CCDC158: variants seen among roughly 807,000 people sequenced by gnomAD.
CCDC158 encodes the protein coiled-coil domain containing 158, also known as coiled-coil domain-containing protein 158.
Under a neutral mutation model 138.6 loss-of-function variants are expected in CCDC158, and 116 were observed. The observed-to-expected ratio is 0.84, with a 90% CI of 0.72 to 0.98. CCDC158 has a LOEUF of 0.98. Ranked by LOEUF, CCDC158 falls within the 50% of genes least tolerant of loss-of-function variation. The probability of loss-of-function intolerance (pLI) is 0.00; values close to 1 mark genes in which losing one functional copy is unlikely to be tolerated. For missense variants in CCDC158, 1,265 were observed against 1,306.1 expected (o/e 0.97, Z 0.48); for synonymous variants, 436 against 442.4 (o/e 0.99, Z 0.18).
intron 8 of CCDC158, 34 bp from the exon 9 acceptor site, chr4:76,379,438 T>C (rs909273467): frequency 3.0e-6 from 4 of 1,332,176 alleles, no homozygotes; most frequent in African/African-American, 1.5e-5. Flanking sequence ...TAAGTGCAAA[T>C]AGCAAACTAA....
At chr4:76,344,674 A>T (rs529948661) in intron 18 of CCDC158, 1 of 1,613,388 alleles carries the variant, frequency 6.2e-7, no homozygotes, top group Non-Finnish European at 8.5e-7. Flanking sequence ...CCCATGTTTC[A>T]GAGCCCAGAG....
intron 3 of CCDC158, among the ~76,000 whole-genome samples, chr4:76,402,725 G>A (rs1579090505): frequency 6.6e-6 from 1 of 152,304 alleles, no homozygotes; most frequent in East Asian, 1.9e-4. Context: ...GAAATGGAGA[G>A]GGAAAAAATG....
intron 18 of CCDC158, among the ~76,000 whole-genome samples, chr4:76,347,149 C>T (rs1184847663): frequency 1.3e-5 from 2 of 152,198 alleles, no homozygotes; most frequent in Non-Finnish European, 2.9e-5. Flanking sequence ...ACCAGAAACA[C>T]CATTTGACCT....
chr4:76,371,586 T>C (rs1162288283), intron 9 of CCDC158, 50 bp from the exon 10 acceptor site: 2 of 1,586,976 alleles, frequency 1.3e-6, no homozygotes, highest in Non-Finnish European at 1.7e-6. Flanking sequence ...CAGTGGGTAA[T>C]ATAAAATAAA....
chr4:76,367,016 G>A (rs1724737929), intron 12 of CCDC158, among the ~76,000 whole-genome samples: 1 of 152,106 alleles, frequency 6.6e-6, no homozygotes, highest in Non-Finnish European at 1.5e-5. Flanking sequence ...TGAAGAGGGA[G>A]AAAATACTTT....
chr4:76,387,488 A>T (rs1726910857), intron 4 of CCDC158, among the ~76,000 whole-genome samples: 1 of 151,866 alleles, frequency 6.6e-6, no homozygotes, highest in African/African-American at 2.4e-5. Context: ...GGAGTTCGAG[A>T]CCAGCCTGAC....
intron 3 of CCDC158, among the ~76,000 whole-genome samples, chr4:76,402,849 A>G (rs1728519352): frequency 6.6e-6 from 1 of 152,206 alleles, no homozygotes; most frequent in Non-Finnish European, 1.5e-5. Context: ...AGGGCAGACC[A>G]AGGAAGGCAG....
chr4:76,394,982 T>C (rs1225986119), intron 4 of CCDC158, among the ~76,000 whole-genome samples: 1 of 151,926 alleles, frequency 6.6e-6, no homozygotes, highest in Non-Finnish European at 1.5e-5. Context: ...CTAATAAGGA[T>C]ATGTAAAGGC....
Position 76,334,053 on chromosome 4 carries a change from C to T in CCDC158, c.2779G>A (p.Glu927Lys), listed in dbSNP as rs765722805. Reference protein sequence around the residue: ...EEPAVSLSKTEEDGRTSLGAL... With the variant: ...EEPAVSLSKTKEDGRTSLGAL... ...CCCAGAGATGTTCTTCCATCTTCCT[C>T]TGTCTTGCTCAGAGACACAGCTGGC... Residue 927 changes from glutamate to lysine, a missense_variant, in exon 19 of 25, where the codon GAG becomes AAG. Glu to Lys is a moderately conservative substitution (Grantham distance 56). Transcript: ENST00000682701. 9 of 1,613,396 alleles carry T rather than the reference C, an allele frequency of 5.6e-6. No individual in the cohort carries two copies. In the East Asian group the frequency reaches 2.0e-4, roughly 36 times the overall value.
chr4:76,336,898 T>C (rs1437097643), intron 18 of CCDC158, among the ~76,000 whole-genome samples: 1 of 152,222 alleles, frequency 6.6e-6, no homozygotes, highest in Middle Eastern at 3.2e-3. Flanking sequence ...AGAATCCTTA[T>C]GTCTTTTCCA....
At position 76,382,477 on chromosome 4, in the gene CCDC158, T is replaced by C. The variant is rs993031177; in HGVS notation, c.914+133A>G. 2.9e-5 allele frequency: 18 copies of C among 617,926 alleles called. No homozygotes were observed. The African/African-American group carries it at 3.0e-4, about 10-fold the overall frequency. The allele number at this position is 617,926 out of a possible 1,614,324, so 38.3% of individuals were successfully genotyped here. On this transcript the variant is annotated intron_variant, in intron 8 of 24. Coordinates refer to ENST00000682701, the MANE Select transcript of CCDC158 (RefSeq NM_001394954.1). Reference sequence around the variant, plus strand: ...TGTTACATAATACTTCCTGTTCATTTAAATGTTAGAAAAATGTTTCACTTT... The same window carrying C: ...TGTTACATAATACTTCCTGTTCATTCAAATGTTAGAAAAATGTTTCACTTT...
intron 22 of CCDC158, 50 bp downstream of exon 22, chr4:76,328,850 A>G (rs1720760484): frequency 6.8e-7 from 1 of 1,474,992 alleles, no homozygotes; most frequent in Non-Finnish European, 9.5e-7. Context: ...CCCTCGTGGA[A>G]ATGGGGAGAC....
Position 76,381,343 on chromosome 4 carries a change from C to T in CCDC158, c.914+1267G>A, listed in dbSNP as rs146219768. Among the ~76,000 whole-genome samples, 19 of 152,374 alleles carry T rather than the reference C, an allele frequency of 1.2e-4. 1 individual carries two copies. In the East Asian group the frequency reaches 1.7e-3, roughly 14 times the overall value. ...GAGCAACAAGGGCAGAGCTGCCCAA[C>T]GCCTTGGGAGCCCTGCCTTGCATCA... On this transcript the variant is annotated intron_variant, in intron 8 of 24. Coordinates refer to ENST00000682701, the MANE Select transcript of CCDC158 (RefSeq NM_001394954.1).
rs779310312 is a variant in CCDC158 at position 76,355,316 on chromosome 4, C to G, written c.2286+8G>C. The stretch of plus-strand genomic sequence containing the variant: ...GTTGGTTTCCCCACTCTGAGGACAG[C>G]AACCCACCTTATTTGCATTTGTCAT... On this transcript the variant is annotated splice_region_variant and intron_variant, in intron 15 of 24. Transcript: ENST00000682701. The G allele has an allele frequency of 6.3e-7, 1 of 1,587,050 alleles. No individual in the cohort carries two copies. The highest frequency in any genetic ancestry group is 8.7e-7 in the Non-Finnish European group (1 of 1,155,406).
chr4:76,330,818 G>A (rs58657409), intron 21 of CCDC158, among the ~76,000 whole-genome samples: 4,025 of 152,214 alleles, frequency 0.026, 175 homozygotes, highest in African/African-American at 0.092. Context: ...GTAAATTTTA[G>A]TCTCTGCAGG....
At chr4:76,399,786 A>G (rs527417338) in intron 3 of CCDC158, among the ~76,000 whole-genome samples, 2 of 152,228 alleles carry the variant, frequency 1.3e-5, no homozygotes, top group South Asian at 4.2e-4. Context: ...TTATTGATGG[A>G]AAGGTTCAAA....
At chr4:76,398,666 CAA>C (rs11379850) in intron 3 of CCDC158, among the ~76,000 whole-genome samples, 15 of 118,368 alleles carry the variant, frequency 1.3e-4, no homozygotes, top group Admixed American at 4.6e-4. Flanking sequence ...GACTCTGTCT[CAA>C]AAAAAAAAAA....
At chr4:76,366,290 A>T (rs1161519914) in intron 12 of CCDC158, among the ~76,000 whole-genome samples, 1 of 152,172 alleles carries the variant, frequency 6.6e-6, no homozygotes, top group Non-Finnish European at 1.5e-5. Context: ...GCAATAGAAA[A>T]TTCTATTTTT....
chr4:76,411,335 A>G (rs1336320835), intron 2 of CCDC158, among the ~76,000 whole-genome samples: 1 of 152,066 alleles, frequency 6.6e-6, no homozygotes, highest in African/African-American at 2.4e-5. Context: ...CCAAGAGTTC[A>G]AGGCTGTAAT....
Sources: allele counts gnomAD v4.1 joint callset (sites outside exome capture counted in the v4.1 genomes callset), GRCh38; gene constraint gnomAD v4.1.1; transcripts MANE v1.5; gene names NCBI Gene and HGNC (gene_info 2026-07-23, HGNC 2026-07-21).